Variants in UMODL1 observed in about 807,000 individuals in gnomAD.
UMODL1 encodes the protein uromodulin like 1, also known as uromodulin-like 1.
UMODL1 carries 128 observed loss-of-function variants against 136.3 expected under a neutral mutation model. That is an observed-to-expected ratio of 0.94 (90% CI 0.81 to 1.09). UMODL1 has a LOEUF of 1.09. Ranked by LOEUF, UMODL1 falls within the 50% of genes least tolerant of loss-of-function variation. The pLI is 0.00. For missense variants in UMODL1, 1,766 were observed against 1,725.6 expected (o/e 1.02, Z -0.41); for synonymous variants, 721 against 720.0 (o/e 1.00, Z -0.02).
chr21:42,073,659 G>A (rs2066256612), intron 1 of UMODL1, among the ~76,000 whole-genome samples: 1 of 152,114 alleles, frequency 6.6e-6, no homozygotes, highest in South Asian at 2.1e-4. Flanking sequence ...TTCTTCCTGG[G>A]GTGAGTAACA....
intron 8 of UMODL1, chr21:42,103,242 CCA>C (rs2066660076): frequency 4.7e-6 from 1 of 213,290 alleles, no homozygotes; most frequent in Non-Finnish European, 9.6e-6. Context: ...TGCCAGAGAC[CCA>C]CAGAGTGTTG....
At position 42,085,951 on chromosome 21, in the gene UMODL1, G is replaced by A. The variant is rs577724777; in HGVS notation, c.603+539G>A. Among the ~76,000 whole-genome samples, 31 of 152,126 alleles carry A rather than the reference G, an allele frequency of 2.0e-4. No individual in the cohort carries two copies. Among genetic ancestry groups the A allele is most frequent in the Non-Finnish European group, 3.2e-4 (22 of 68,006 alleles). Reference sequence around the variant, plus strand: ...GCATCCAAAACTGTCTCCAGACGTCGCCCACTGTCCCCTGGGGATAAAAAC... The same window carrying A: ...GCATCCAAAACTGTCTCCAGACGTCACCCACTGTCCCCTGGGGATAAAAAC... On this transcript the variant is annotated intron_variant, in intron 4 of 22. Transcript: ENST00000408910. This position sits in a 1 kb window ranked among gnomAD's most constrained non-coding sequence, Gnocchi z 4.5.
At chr21:42,135,621 T>C (rs2067195454) in intron 21 of UMODL1, among the ~76,000 whole-genome samples, 1 of 152,104 alleles carries the variant, frequency 6.6e-6, no homozygotes, top group African/African-American at 2.4e-5. Context: ...AGGAGGAAGG[T>C]CCACTACAGA....
In UMODL1 at chr21:42,119,299, G is replaced by C. The variant is rs1341675609; in HGVS notation, c.2664G>C (p.Val888=). The stretch of plus-strand genomic sequence containing the variant: ...TCCAGACCGTGCCTCTGCTGGAGGT[G>C]ATCAGAGGCGACACCTTCATACAGG... The part of the protein sequence containing the change: ...TAFQTVPLLE[V]IRGDTFIQDY... The change falls in exon 15 of 23, where the codon GTG becomes GTC. Residue 888 remains valine (V), a synonymous_variant. Transcript: ENST00000408910. The C allele has an allele frequency of 6.2e-7, 1 of 1,614,138 alleles. No individual in the cohort carries two copies. The highest frequency in any genetic ancestry group is 2.2e-5 in the East Asian group (1 of 44,878).
In UMODL1 at chr21:42,123,293, C is replaced by T. The variant is rs1197645891; in HGVS notation, c.3147+143C>T. On this transcript the variant is annotated intron_variant, in intron 17 of 22. Coordinates refer to ENST00000408910, the MANE Select transcript of UMODL1 (RefSeq NM_001004416.3). This position sits in a 1 kb window ranked among gnomAD's most constrained non-coding sequence, Gnocchi z 4.4. ...GGGGGGTTCAGGACAGGGTTGAGTT[C>T]TCAACCAGGGACCAGCCTGCACCCC... 2 of 992,978 alleles carry T rather than the reference C, an allele frequency of 2.0e-6. No homozygotes were observed. The highest frequency in any genetic ancestry group is 5.3e-5 in the East Asian group (2 of 37,884). 61.5% of individuals were successfully genotyped at this position (992,978 alleles called of 1,614,324 possible).
chr21:42,134,871 G>C (rs983775563), intron 21 of UMODL1, among the ~76,000 whole-genome samples: 3 of 151,632 alleles, frequency 2.0e-5, no homozygotes, highest in African/African-American at 4.9e-5. Context: ...TGATCCGCCC[G>C]CCTCAGCCTC....
chr21:42,126,466 C>T lies in UMODL1; in HGVS notation c.3269C>T (p.Ser1090Phe). 8 of 1,614,278 alleles carry T rather than the reference C, an allele frequency of 5.0e-6. No homozygotes were observed. The highest frequency in any genetic ancestry group is 6.8e-6 in the Non-Finnish European group (8 of 1,180,038). The stretch of plus-strand genomic sequence containing the variant: ...GCCTTCCAGAATGACCTGCTGACAT[C>T]CTCCGGCTTCACCCTGGAGTGGGGG... Reference protein sequence around the residue: ...YCAFQNDLLTSSGFTLEWGVY... With the variant: ...YCAFQNDLLTFSGFTLEWGVY... The change falls in exon 18 of 23, where the codon TCC becomes TTC. Residue 1090 changes from serine (S) to phenylalanine (F), a missense_variant. Physicochemically the swap from Ser to Phe is radical, Grantham distance 155. Transcript: ENST00000408910.
chr21:42,126,455 C>T lies in UMODL1; in HGVS notation c.3258C>T (p.Asp1086=). ...LSPIYCAFQN[D]LLTSSGFTLE... The stretch of plus-strand genomic sequence containing the variant: ...CCATCTACTGCGCCTTCCAGAATGA[C>T]CTGCTGACATCCTCCGGCTTCACCC... The change falls in exon 18 of 23, where the codon GAC becomes GAT. Residue 1086 remains aspartate, a synonymous_variant. Transcript: ENST00000408910. The T allele has an allele frequency of 6.2e-7, 1 of 1,614,250 alleles. No homozygotes were observed. Among genetic ancestry groups the T allele is most frequent in the Non-Finnish European group, 8.5e-7 (1 of 1,180,046 alleles).
intron 14 of UMODL1, among the ~76,000 whole-genome samples, chr21:42,117,769 T>C (rs865849458): frequency 1.3e-4 from 20 of 152,348 alleles, no homozygotes; most frequent in Middle Eastern, 3.4e-3. Context: ...TGATTAATAA[T>C]GTGATTTCAT....
chr21:42,089,809 G>A (rs1455656594), intron 5 of UMODL1, among the ~76,000 whole-genome samples: 4 of 152,204 alleles, frequency 2.6e-5, no homozygotes, highest in Non-Finnish European at 5.9e-5. Flanking sequence ...TGAGCTTATC[G>A]CGCTGTCTGT....
chr21:42,084,326 GGGA>G, intron 3 of UMODL1, 81 bp downstream of exon 3: 1 of 1,480,102 alleles, frequency 6.8e-7, no homozygotes, highest in Middle Eastern at 2.3e-4. Flanking sequence ...AGGTGTGGGG[GGGA>G]GTGTGTTTCT....
At chr21:42,126,943 T>G in intron 18 of UMODL1, 63 bp from the exon 19 acceptor site, 1 of 1,319,186 alleles carries the variant, frequency 7.6e-7, no homozygotes, top group Non-Finnish European at 1.1e-6. Flanking sequence ...GAAGTGGGAA[T>G]GGGAGGGGCC....
At chr21:42,088,582 T>A in intron 5 of UMODL1, 102 bp downstream of exon 5, 1 of 1,231,392 alleles carries the variant, frequency 8.1e-7, no homozygotes, top group Non-Finnish European at 1.1e-6. Flanking sequence ...CTTTGTCTTT[T>A]AAAGGAGGTT....
Position 42,088,417 on chromosome 21 carries a change from G to A in UMODL1, c.727G>A (p.Val243Ile), listed in dbSNP as rs368413608. ...GLPRPLPVAD[V>I]STLLGDIAKR... ...GCCACGGCCACTGCCTGTGGCTGAC[G>A]TCTCCACCCTGCTGGGTGACATTGC... The change falls in exon 5 of 23, where the codon GTC (valine) becomes ATC (isoleucine). Residue 243 changes from valine to isoleucine, a missense_variant. By Grantham distance (29) the Val-to-Ile change is conservative. Transcript: ENST00000408910. 7 of 1,613,862 alleles carry A rather than the reference G, an allele frequency of 4.3e-6. No homozygotes were observed. In the Admixed American group the frequency reaches 5.0e-5, roughly 12 times the overall value.
At chr21:42,086,095 G>A (rs1044244963) in intron 4 of UMODL1, among the ~76,000 whole-genome samples, 1 of 152,336 alleles carries the variant, frequency 6.6e-6, no homozygotes, top group Admixed American at 6.5e-5. Context: ...GAATCCCAGT[G>A]TGGACAGGGC....
intron 14 of UMODL1, among the ~76,000 whole-genome samples, chr21:42,117,923 C>T (rs1416033725): frequency 6.6e-6 from 1 of 152,208 alleles, no homozygotes; most frequent in Non-Finnish European, 1.5e-5. Context: ...TTCCTTTGCC[C>T]ATTTTTGGGG....
At chr21:42,065,569 G>A (rs150801) in intron 1 of UMODL1, among the ~76,000 whole-genome samples, 2 of 148,776 alleles carry the variant, frequency 1.3e-5, no homozygotes, top group South Asian at 2.1e-4. Flanking sequence ...GCGGAGTCTC[G>A]CTCTGTCACC....
intron 16 of UMODL1, among the ~76,000 whole-genome samples, chr21:42,121,602 C>T (rs1037728746): frequency 6.6e-6 from 1 of 152,170 alleles, no homozygotes; most frequent in African/African-American, 2.4e-5. Flanking sequence ...AATGTTTCCT[C>T]TTGGCCACTC....
At chr21:42,094,987 C>G (rs1425414983) in intron 6 of UMODL1, among the ~76,000 whole-genome samples, 1 of 151,908 alleles carries the variant, frequency 6.6e-6, no homozygotes, top group African/African-American at 2.4e-5. Flanking sequence ...GGGCTGTGCT[C>G]CCAGGAGGCT....
Sources: allele counts gnomAD v4.1 joint callset (sites outside exome capture counted in the v4.1 genomes callset), GRCh38; gene constraint gnomAD v4.1.1; non-coding constraint Gnocchi (gnomAD v3.1); transcripts MANE v1.5; gene names NCBI Gene and HGNC (gene_info 2026-07-23, HGNC 2026-07-21).